DPP6: variants seen among roughly 807,000 people sequenced by gnomAD.
DPP6 encodes dipeptidyl peptidase like 6.
A neutral mutation model predicts 122.6 loss-of-function variants in DPP6; 69 were observed. The observed-to-expected ratio is 0.56, with a 90% CI of 0.46 to 0.69. The LOEUF (loss-of-function observed/expected upper bound fraction) is 0.69, where lower values mean the gene tolerates loss of function less well. DPP6 is among the 30% of genes least tolerant of loss of function. The pLI is 0.00. For missense variants in DPP6, 928 were observed against 1,116.9 expected (o/e 0.83, Z 2.41); for synonymous variants, 418 against 433.1 (o/e 0.97, Z 0.43).
chr7:154,872,772 C>T, intron 19 of DPP6, 79 bp downstream of exon 19: 1 of 1,549,448 alleles, frequency 6.5e-7, no homozygotes, highest in South Asian at 1.2e-5. Context: ...ATATTGAACT[C>T]TTAAGAAAAG....
chr7:154,882,586 G>C (rs938018124), intron 21 of DPP6, among the ~76,000 whole-genome samples: 1 of 152,140 alleles, frequency 6.6e-6, no homozygotes, highest in African/African-American at 2.4e-5. Flanking sequence ...ACAGAGCCCA[G>C]GGGAGCAGCA....
rs1397856056 is a variant in DPP6 at position 153,947,648 on chromosome 7, TA to T, written c.51+59915del. Reference sequence around the variant, plus strand: ...GACAGTGATGCCTCAGCGCTTTCTGTAGTATGCTGGATGAGGACGCAGAGGT... The same window carrying T: ...GACAGTGATGCCTCAGCGCTTTCTGTGTATGCTGGATGAGGACGCAGAGGT... On this transcript the variant is annotated intron_variant, in intron 1 of 25. Transcript: ENST00000404039. 8.5e-5 allele frequency among the ~76,000 whole-genome samples: 13 copies of T among 152,218 alleles called. No individual in the cohort carries two copies. In the East Asian group the frequency reaches 2.5e-3, roughly 29 times the overall value.
At chr7:154,612,326 T>C (rs1833963062) in intron 5 of DPP6, among the ~76,000 whole-genome samples, 1 of 152,186 alleles carries the variant, frequency 6.6e-6, no homozygotes, top group African/African-American at 2.4e-5. Flanking sequence ...ACTCCTTCCC[T>C]CCCTAACCCC....
chr7:154,741,592 C>A (rs980641897), intron 8 of DPP6, among the ~76,000 whole-genome samples: 3 of 152,198 alleles, frequency 2.0e-5, no homozygotes, highest in African/African-American at 7.2e-5. Context: ...GGACACCATG[C>A]CTATAAAGTA....
intron 1 of DPP6, among the ~76,000 whole-genome samples, chr7:154,062,565 G>A (rs371757073): frequency 4.1e-4 from 4 of 9,848 alleles, no homozygotes; most frequent in Non-Finnish European, 8.5e-4. Flanking sequence ...CCCCATCGCA[G>A]GGGGGGGAGG....
At chr7:154,646,402 C>T (rs1208040944) in intron 6 of DPP6, among the ~76,000 whole-genome samples, 2 of 152,126 alleles carry the variant, frequency 1.3e-5, no homozygotes, top group East Asian at 3.9e-4. Context: ...CTTCATTCTC[C>T]TCCCCACCAC....
At chr7:154,608,999 A>G (rs1833745532) in intron 5 of DPP6, among the ~76,000 whole-genome samples, 1 of 152,148 alleles carries the variant, frequency 6.6e-6, no homozygotes, top group Non-Finnish European at 1.5e-5. Flanking sequence ...TAACCCCAGG[A>G]GGGCCCAAGG....
intron 6 of DPP6, among the ~76,000 whole-genome samples, chr7:154,652,847 G>A (rs115674082): frequency 0.012 from 1,818 of 151,154 alleles, 48 homozygotes; most frequent in Admixed American, 0.068. Context: ...TCCCTGAGTC[G>A]GAGCTGATAC....
At chr7:154,372,070 C>T (rs35473063) in intron 1 of DPP6, among the ~76,000 whole-genome samples, 12,009 of 151,902 alleles carry the variant, frequency 0.079, 535 homozygotes, top group African/African-American at 0.11. Flanking sequence ...GATGAGACCA[C>T]CCCCCGGGGA....
At chr7:153,772,923 TATAAA>T in the DPP6 span, among the ~76,000 whole-genome samples, 1 of 142,510 alleles carries the variant, frequency 7.0e-6, no homozygotes, top group African/African-American at 2.7e-5. Flanking sequence ...TATAATAATA[TATAAA>T]AGAAAAGACT....
At chr7:154,574,289 G>A (rs892067567) in intron 5 of DPP6, among the ~76,000 whole-genome samples, 183 of 135,058 alleles carry the variant, frequency 1.4e-3, no homozygotes, top group African/African-American at 4.5e-3. Flanking sequence ...TGTGTGTGGC[G>A]TATGTGTGTG....
intron 1 of DPP6, among the ~76,000 whole-genome samples, chr7:154,167,823 A>G (rs1363464592): frequency 2.0e-5 from 3 of 152,258 alleles, no homozygotes; most frequent in African/African-American, 7.2e-5. Flanking sequence ...CAAACTGCTC[A>G]GCATAAATGA....
At chr7:154,771,848 T>A (rs947318682) in intron 9 of DPP6, among the ~76,000 whole-genome samples, 1 of 152,214 alleles carries the variant, frequency 6.6e-6, no homozygotes, top group African/African-American at 2.4e-5. Context: ...GTTGGAAGCA[T>A]AATTAAATAG....
At chr7:153,961,501 C>A (rs1315974016) in intron 1 of DPP6, among the ~76,000 whole-genome samples, 1 of 150,386 alleles carries the variant, frequency 6.6e-6, no homozygotes, top group African/African-American at 2.5e-5. Context: ...CAGCAGCAGT[C>A]CCCAGACTTT....
intron 1 of DPP6, among the ~76,000 whole-genome samples, chr7:154,172,317 G>T (rs1797576524): frequency 1.3e-5 from 2 of 152,106 alleles, no homozygotes; most frequent in African/African-American, 4.8e-5. Context: ...AGCGATAAGA[G>T]CCCTGATAAT....
At position 154,052,832 on chromosome 7, in the gene DPP6, G is replaced by A. The variant is rs546420543; in HGVS notation, c.12G>A (p.Leu4=). The part of the protein sequence containing the change: MAS[L]YQRFTGKINT... Reference sequence around the variant, plus strand: ...GAGCGCGGTGCCCGATGGCTTCGCTGTACCAGAGGTTCACTGGCAAGATCA... The same window carrying A: ...GAGCGCGGTGCCCGATGGCTTCGCTATACCAGAGGTTCACTGGCAAGATCA... Residue 4 remains leucine, a synonymous_variant, in exon 1 of 26, where the codon CTG becomes CTA. Coordinates refer to ENST00000377770, the MANE Select transcript of DPP6 (RefSeq NM_130797.4). This position sits in a 1 kb window ranked among gnomAD's most constrained non-coding sequence, Gnocchi z 4.8. 4.1e-5 allele frequency: 63 copies of A among 1,531,208 alleles called. No individual in the cohort carries two copies. The African/African-American group carries it at 7.6e-4, about 18-fold the overall frequency. 94.9% of individuals were successfully genotyped at this position (1,531,208 alleles called of 1,614,324 possible).
At chr7:154,209,176 A>T (rs6464389) in intron 1 of DPP6, among the ~76,000 whole-genome samples, 2,386 of 152,246 alleles carry the variant, frequency 0.016, 48 homozygotes, top group African/African-American at 0.055. Flanking sequence ...CCCCGAGGAG[A>T]ACTATTAGAC....
chr7:153,960,705 ATG>A (rs1420165143), intron 1 of DPP6, among the ~76,000 whole-genome samples: 46 of 98,464 alleles, frequency 4.7e-4, no homozygotes, highest in African/African-American at 2.1e-3. Flanking sequence ...GTGTGTGTGA[ATG>A]TGTGTGCATG....
chr7:154,443,173 T>C (rs989949118), intron 1 of DPP6, among the ~76,000 whole-genome samples: 2 of 152,220 alleles, frequency 1.3e-5, no homozygotes, highest in African/African-American at 4.8e-5. Flanking sequence ...GTCTGGATTG[T>C]CTTCTCGGAT....
Sources: allele counts gnomAD v4.1 joint callset (sites outside exome capture counted in the v4.1 genomes callset), GRCh38; gene constraint gnomAD v4.1.1; non-coding constraint Gnocchi (gnomAD v3.1); transcripts MANE v1.5; gene names NCBI Gene and HGNC (gene_info 2026-07-23, HGNC 2026-07-21).